USP50: variants seen among roughly 807,000 people sequenced by gnomAD.
USP50 encodes the protein ubiquitin specific peptidase 50.
Under a neutral mutation model 39.2 loss-of-function variants are expected in USP50, and 37 were observed. That is an observed-to-expected ratio of 0.94 (90% CI 0.73 to 1.24). The LOEUF (loss-of-function observed/expected upper bound fraction) is 1.24, where lower values mean the gene tolerates loss of function less well. Ranked by LOEUF, USP50 falls within the 50% of genes most tolerant of loss-of-function variation. USP50 has a pLI of 0.00. For synonymous variants in USP50, 139 were observed against 144.5 expected (o/e 0.96, Z 0.27); for missense variants, 374 against 398.2 (o/e 0.94, Z 0.52).
intron 5 of USP50, among the ~76,000 whole-genome samples, chr15:50,533,849 A>T (rs2052960091): frequency 6.6e-6 from 1 of 152,094 alleles, no homozygotes; most frequent in Non-Finnish European, 1.5e-5. Flanking sequence ...AAAAATACAA[A>T]ATTAGCCTGG....
chr15:50,525,932 A>G (rs1313113479), intron 6 of USP50, among the ~76,000 whole-genome samples: 3 of 152,066 alleles, frequency 2.0e-5, no homozygotes, highest in African/African-American at 4.8e-5. Context: ...TGCAAAACAG[A>G]AAATGCAAAC....
chr15:50,543,684 A>G lies in USP50; in HGVS notation c.358T>C (p.Tyr120His), dbSNP rs756964129. 1 of 1,613,348 alleles carries G rather than the reference A, an allele frequency of 6.2e-7. No homozygotes were observed. Among genetic ancestry groups the G allele is most frequent in the Admixed American group, 1.7e-5 (1 of 59,910 alleles). Reference sequence around the variant, plus strand: ...TGCATCTTTTTCGTAAATGCTGGGTAGAGGTTGCCAAGAGCTGACCAGAAT... The same window carrying G: ...TGCATCTTTTTCGTAAATGCTGGGTGGAGGTTGCCAAGAGCTGACCAGAAT... Reference protein sequence around the residue: ...EIFWSALGNLYPAFTKKMQQD... With the variant: ...EIFWSALGNLHPAFTKKMQQD... The change falls in exon 3 of 7, where the codon TAC becomes CAC. Residue 120 changes from tyrosine (Y) to histidine (H), a missense_variant. Physicochemically the swap from Tyr to His is moderately conservative, Grantham distance 83 (BLOSUM62 2). Coordinates refer to ENST00000532404, the MANE Select transcript of USP50 (RefSeq NM_203494.5).
intron 5 of USP50, among the ~76,000 whole-genome samples, chr15:50,533,074 G>A (rs1057353646): frequency 4.0e-5 from 6 of 151,700 alleles, no homozygotes; most frequent in African/African-American, 1.5e-4. Context: ...GGGAGACCAA[G>A]GTGGGAGAAT....
rs2053057522 is a variant in USP50 at position 50,544,653 on chromosome 15, C to T, written c.182G>A (p.Cys61Tyr). The change falls in exon 2 of 7, where the codon TGT becomes TAT. Residue 61 changes from cysteine to tyrosine, a missense_variant. By Grantham distance (194) the Cys-to-Tyr change is radical. Transcript: ENST00000532404. Reference sequence around the variant, plus strand: ...CACCAGCGGCAAGATGCTGCAGAGACACTGTGAGATGGCATTCACGCAGCA... The same window carrying T: ...CACCAGCGGCAAGATGCTGCAGAGATACTGTGAGATGGCATTCACGCAGCA... ...NTCCVNAISQ[C>Y]LCSILPLVEY... The T allele has an allele frequency of 6.2e-7, 1 of 1,613,784 alleles. No individual in the cohort carries two copies. Among genetic ancestry groups the T allele is most frequent in the African/African-American group, 1.3e-5 (1 of 74,902 alleles).
intron 5 of USP50, among the ~76,000 whole-genome samples, chr15:50,530,903 A>G (rs1225900960): frequency 1.3e-5 from 2 of 152,016 alleles, no homozygotes; most frequent in African/African-American, 2.4e-5. Flanking sequence ...CAGCACAGGT[A>G]GTCTTGGCAA....
chr15:50,529,696 G>A, intron 6 of USP50, 101 bp downstream of exon 6: 2 of 1,318,132 alleles, frequency 1.5e-6, no homozygotes, highest in African/African-American at 1.5e-5. Context: ...TTTAAAAGTA[G>A]GGCATAAGCC....
At chr15:50,525,630 ATATATG>A (rs1409540848) in intron 6 of USP50, among the ~76,000 whole-genome samples, 1 of 124,770 alleles carries the variant, frequency 8.0e-6, no homozygotes, top group Non-Finnish European at 1.6e-5. Flanking sequence ...ATGTATATGT[ATATATG>A]TATATGTGTA....
intron 6 of USP50, chr15:50,505,563 TAGAC>T (rs1326914556): frequency 1.3e-5 from 2 of 152,098 alleles, no homozygotes; most frequent in Non-Finnish European, 2.9e-5. Context: ...TGATACATAA[TAGAC>T]AGTGATTAAC....
intron 6 of USP50, among the ~76,000 whole-genome samples, chr15:50,519,294 T>G (rs1238688119): frequency 1.4e-5 from 2 of 146,612 alleles, no homozygotes; most frequent in African/African-American, 5.1e-5. Context: ...CTCAAAAAAA[T>G]CAGTACAATA....
intron 6 of USP50, chr15:50,508,687 G>T (rs1047901946): frequency 2.6e-5 from 4 of 152,118 alleles, no homozygotes; most frequent in African/African-American, 9.7e-5. Context: ...GTAAAAGTTG[G>T]TGTTTTAAGA....
chr15:50,529,057 C>G (rs1283073646), intron 6 of USP50, among the ~76,000 whole-genome samples: 1 of 152,130 alleles, frequency 6.6e-6, no homozygotes, highest in African/African-American at 2.4e-5. Context: ...TCCATGCTTT[C>G]TTTCCTTCAG....
chr15:50,537,444 A>C (rs1307178324), intron 5 of USP50, among the ~76,000 whole-genome samples: 5 of 152,112 alleles, frequency 3.3e-5, no homozygotes, highest in Non-Finnish European at 5.9e-5. Context: ...AGAATTGATA[A>C]GCTGGACTCC....
chr15:50,521,919 G>A (rs577718640), intron 6 of USP50, among the ~76,000 whole-genome samples: 2 of 152,260 alleles, frequency 1.3e-5, no homozygotes, highest in African/African-American at 2.4e-5. Flanking sequence ...AGCCAAGATC[G>A]TACCACTGCA....
intron 6 of USP50, chr15:50,501,071 A>G (rs574478557): frequency 1.5e-5 from 7 of 456,834 alleles, no homozygotes; most frequent in Admixed American, 3.4e-5. Context: ...AAGAAAGACA[A>G]TATTTAGCAG....
At chr15:50,530,057 A>C (rs1269501683) in intron 5 of USP50, 128 bp from the exon 6 acceptor site, 9 of 1,364,560 alleles carry the variant, frequency 6.6e-6, no homozygotes, top group Non-Finnish European at 8.0e-6. Flanking sequence ...CTGTAATCCC[A>C]CAACTTTGGG....
At chr15:50,519,050 G>T (rs531878699) in intron 6 of USP50, among the ~76,000 whole-genome samples, 1 of 152,254 alleles carries the variant, frequency 6.6e-6, no homozygotes, top group East Asian at 1.9e-4. Context: ...ACTTTGGGAG[G>T]CAGACGCGGG....
At chr15:50,545,474 C>A (rs1276869951) in intron 1 of USP50, among the ~76,000 whole-genome samples, 1 of 151,644 alleles carries the variant, frequency 6.6e-6, no homozygotes. Context: ...TCTCTCCCAA[C>A]ATACCTATCC....
downstream of USP50, chr15:50,497,431 A>C (rs906979624): frequency 2.2e-6 from 1 of 447,232 alleles, no homozygotes; most frequent in South Asian, 7.3e-5. Flanking sequence ...CAAAATGACA[A>C]TACCACTATT....
chr15:50,501,118 C>T (rs1011374885), intron 6 of USP50: 7 of 336,326 alleles, frequency 2.1e-5, no homozygotes, highest in African/African-American at 1.5e-4. Context: ...ATTTAGTTAG[C>T]ACTTAATATA....
Sources: allele counts gnomAD v4.1 joint callset (sites outside exome capture counted in the v4.1 genomes callset), GRCh38; gene constraint gnomAD v4.1.1; transcripts MANE v1.5; gene names NCBI Gene and HGNC (gene_info 2026-07-23, HGNC 2026-07-21).